TMEM144: variants seen among roughly 807,000 people sequenced by gnomAD.
The protein encoded by TMEM144 is transmembrane protein 144.
A neutral mutation model predicts 43.6 loss-of-function variants in TMEM144; 39 were observed. The observed-to-expected ratio is 0.90, with a 90% CI of 0.69 to 1.17. The LOEUF is 1.17. TMEM144 is among the 50% of genes most tolerant of loss of function. The pLI, the probability that TMEM144 is intolerant of heterozygous loss-of-function variation, is 0.00. For synonymous variants in TMEM144, 154 were observed against 133.6 expected (o/e 1.15, Z -1.06); for missense variants, 417 against 411.9 (o/e 1.01, Z -0.11).
intron 6 of TMEM144, among the ~76,000 whole-genome samples, chr4:158,225,383 G>C (rs1412965830): frequency 6.6e-6 from 1 of 152,180 alleles, no homozygotes; most frequent in South Asian, 2.1e-4. Flanking sequence ...TGAAAAGCTT[G>C]TTGCTGTTGG....
At chr4:158,235,889 CTG>C (rs1735319574) in intron 8 of TMEM144, among the ~76,000 whole-genome samples, 1 of 152,220 alleles carries the variant, frequency 6.6e-6, no homozygotes, top group African/African-American at 2.4e-5. Context: ...CCACCCTGCT[CTG>C]GGAATCCCCA....
chr4:158,238,058 G>A lies in TMEM144; in HGVS notation c.682+415G>A, dbSNP rs73860318. Among the ~76,000 whole-genome samples, 971 of 152,264 alleles carry A rather than the reference G, an allele frequency of 6.4e-3. 6 individuals carry two copies. Among genetic ancestry groups the A allele is most frequent in the African/African-American group, 0.022 (930 of 41,532 alleles). ...CAGAGGATATTATTTTTAAAGTACA[G>A]AGTCATGCACTGGAAGGCCCAATGT... On this transcript the variant is annotated intron_variant, in intron 9 of 12. Coordinates refer to ENST00000296529, the MANE Select transcript of TMEM144 (RefSeq NM_018342.5).
chr4:158,231,726 G>T (rs947968957), intron 6 of TMEM144, among the ~76,000 whole-genome samples: 1 of 152,122 alleles, frequency 6.6e-6, no homozygotes, highest in African/African-American at 2.4e-5. Context: ...GAGGGGGGTT[G>T]GTAGACAGCT....
intron 12 of TMEM144, among the ~76,000 whole-genome samples, chr4:158,250,096 C>T (rs915814582): frequency 5.3e-5 from 8 of 151,052 alleles, no homozygotes; most frequent in Non-Finnish European, 1.0e-4. Context: ...CAAACAGAGG[C>T]AAATTTATCT....
chr4:158,241,655 C>A, intron 11 of TMEM144, 49 bp downstream of exon 11: 1 of 1,523,354 alleles, frequency 6.6e-7, no homozygotes, highest in Non-Finnish European at 9.1e-7. Context: ...AAATGTAAAC[C>A]CAATTTTTCT....
chr4:158,220,634 T>A (rs1312075282), intron 6 of TMEM144, among the ~76,000 whole-genome samples: 1 of 152,242 alleles, frequency 6.6e-6, no homozygotes, highest in African/African-American at 2.4e-5. Context: ...TAAAGTATTT[T>A]GAGGGTTAAA....
At chr4:158,253,312 T>C in intron 12 of TMEM144, 132 bp from the exon 13 acceptor site, 2 of 660,994 alleles carry the variant, frequency 3.0e-6, no homozygotes, top group Non-Finnish European at 5.1e-6. Flanking sequence ...CCTGATTACT[T>C]GGAAGGGGTA....
chr4:158,216,857 C>G (rs1560820764), intron 4 of TMEM144, among the ~76,000 whole-genome samples: 1 of 152,016 alleles, frequency 6.6e-6, no homozygotes, highest in East Asian at 1.9e-4. Flanking sequence ...GTATTTGGCC[C>G]TCAGTGACCC....
At chr4:158,247,921 G>C (rs1159722686) in intron 12 of TMEM144, among the ~76,000 whole-genome samples, 1 of 136,506 alleles carries the variant, frequency 7.3e-6, no homozygotes, top group African/African-American at 2.8e-5. Flanking sequence ...GTAAAAATAG[G>C]CAAAAAAAAA....
chr4:158,217,900 C>T (rs1054951747), intron 5 of TMEM144, among the ~76,000 whole-genome samples: 6 of 152,184 alleles, frequency 3.9e-5, no homozygotes, highest in Non-Finnish European at 7.3e-5. Flanking sequence ...TGGCAAAGCA[C>T]GGTCTGGTTT....
intron 8 of TMEM144, 53 bp from the exon 9 acceptor site, chr4:158,237,472 G>C: frequency 1.4e-6 from 2 of 1,387,864 alleles, no homozygotes; most frequent in Non-Finnish European, 2.0e-6. Context: ...TTGTGCGTTT[G>C]TCAGAAATAC....
intron 9 of TMEM144, among the ~76,000 whole-genome samples, chr4:158,238,985 T>G (rs1423145804): frequency 6.6e-6 from 1 of 152,234 alleles, no homozygotes; most frequent in Admixed American, 6.5e-5. Context: ...TAATATGTGC[T>G]CTGTCCTAAG....
In TMEM144 at chr4:158,241,528, T is replaced by C; in HGVS notation, c.822T>C (p.Leu274=). The change falls in exon 11 of 13, where the codon CTT becomes CTC. Residue 274 remains leucine, a synonymous_variant. Transcript: ENST00000296529. ...AVLPGFLSGV[L]WAIATCCWFI... is the part of the protein sequence containing the mutation. The stretch of plus-strand genomic sequence containing the variant: ...TTTCAGGATTCCTGTCAGGAGTACT[T>C]TGGGCTATAGCTACCTGCTGTTGGT... The C allele has an allele frequency of 6.2e-7, 1 of 1,613,828 alleles. No homozygotes were observed. The highest frequency in any genetic ancestry group is 8.5e-7 in the Non-Finnish European group (1 of 1,179,798).
intron 1 of TMEM144, chr4:158,211,016 G>C (rs1733932849): frequency 6.6e-6 from 1 of 152,226 alleles, no homozygotes; most frequent in Admixed American, 6.5e-5. Flanking sequence ...TGTGCAGGAA[G>C]AATTGGGAAA....
chr4:158,228,050 A>G (rs1249088889), intron 6 of TMEM144, among the ~76,000 whole-genome samples: 1 of 152,142 alleles, frequency 6.6e-6, no homozygotes, highest in African/African-American at 2.4e-5. Context: ...TTTACACCAA[A>G]CCAAAATCAA....
rs1579111898 is a variant in TMEM144, at chr4:158,222,807, T to C, written c.413+3417T>C. Among the ~76,000 whole-genome samples, 2 of 152,214 alleles carry C rather than the reference T, an allele frequency of 1.3e-5. 1 individual carries two copies. The highest frequency in any genetic ancestry group is 1.3e-4 in the Admixed American group (2 of 15,276). ...CACACAATTTTTACTAAGTGTGTGA[T>C]GTACGGGATTGCAAATCTAGGGAAG... is the stretch of plus-strand genomic sequence containing the variant. On this transcript the variant is annotated intron_variant, in intron 6 of 12. Transcript: ENST00000296529.
At chr4:158,212,807 T>C (rs1170506983) in intron 3 of TMEM144, 31 bp downstream of exon 3, 5 of 1,502,854 alleles carry the variant, frequency 3.3e-6, no homozygotes, top group South Asian at 2.3e-5. Flanking sequence ...GTTAACGTTA[T>C]ATTATTTTTA....
rs1229649384 is a variant in TMEM144, at chr4:158,212,502, A to G, written c.-60-106A>G. Reference sequence around the variant, plus strand: ...TAGTTGTGTAATATCCTATCTGCAAAAAGGAGTCTTAGCGTGCTTTTGAAA... The same window carrying G: ...TAGTTGTGTAATATCCTATCTGCAAGAAGGAGTCTTAGCGTGCTTTTGAAA... On this transcript the variant is annotated intron_variant, in intron 2 of 12. Transcript: ENST00000296529. 9.6e-6 allele frequency: 5 copies of G among 523,546 alleles called. No individual in the cohort carries two copies. In the East Asian group the frequency reaches 1.5e-4, roughly 16 times the overall value. 32.4% of individuals were successfully genotyped at this position (523,546 alleles called of 1,614,324 possible). A position where few individuals can be genotyped will look rare whatever the true frequency, so the allele number is the denominator to read the frequency against.
chr4:158,226,775 T>C (rs1416696303), intron 6 of TMEM144, among the ~76,000 whole-genome samples: 5 of 152,196 alleles, frequency 3.3e-5, no homozygotes, highest in African/African-American at 1.2e-4. Context: ...TTGACATGCT[T>C]TAACTTTCTG....
Sources: gnomAD v4.1 joint callset for allele counts (sites outside exome capture counted in the v4.1 genomes callset) on GRCh38, gnomAD v4.1.1 for gene constraint, MANE v1.5 for transcripts, NCBI Gene and HGNC (gene_info 2026-07-23, HGNC 2026-07-21) for gene names.